The following RAB27A variants were observed in gnomAD, a reference collection of about 807,000 sequenced individuals.
The protein encoded by RAB27A is ras-related protein Rab-27A.
A neutral mutation model predicts 20.8 loss-of-function variants in RAB27A; 17 were observed. The ratio of observed to expected loss-of-function variants is 0.82; its 90% CI spans 0.56 to 1.23. The LOEUF is 1.23. RAB27A is among the 50% of genes most tolerant of loss of function. The probability of loss-of-function intolerance (pLI) is 0.00; values close to 1 mark genes in which losing one functional copy is unlikely to be tolerated. For missense variants in RAB27A, 277 were observed against 266.7 expected (o/e 1.04, Z -0.27); for synonymous variants, 85 against 92.8 (o/e 0.92, Z 0.48).
rs561849484 is a variant in RAB27A at position 55,217,504 on chromosome 15, A to T, written c.467+6385T>A. On this transcript the variant is annotated intron_variant, in intron 6 of 6. Coordinates refer to ENST00000336787, the MANE Select transcript of RAB27A (RefSeq NM_183235.3). ...GTGAAACCTCGTCTTTACTAAAAAA[A>T]ATATATAAAAATTAGCTGGGCACAG... is the stretch of plus-strand genomic sequence containing the variant. Among the ~76,000 whole-genome samples the T allele has an allele frequency of 3.2e-3, 479 of 151,710 alleles. 2 individuals carry two copies. The highest frequency in any genetic ancestry group is 9.7e-3 in the African/African-American group (399 of 41,322).
At chr15:55,215,789 T>TA (rs1455867655) in intron 6 of RAB27A, among the ~76,000 whole-genome samples, 1 of 145,964 alleles carries the variant, frequency 6.9e-6, no homozygotes, top group African/African-American at 2.6e-5. Flanking sequence ...CTACTAAAAA[T>TA]ACAAAAATTA....
chr15:55,243,302 A>G (rs985164492), intron 2 of RAB27A, among the ~76,000 whole-genome samples: 1 of 152,158 alleles, frequency 6.6e-6, no homozygotes, highest in Non-Finnish European at 1.5e-5. Context: ...GAAATTTTTC[A>G]TTTACCTGTA....
At chr15:55,242,569 T>C (rs1015561595) in intron 2 of RAB27A, among the ~76,000 whole-genome samples, 3 of 152,196 alleles carry the variant, frequency 2.0e-5, no homozygotes, top group Non-Finnish European at 4.4e-5. Context: ...ATTAATAGTT[T>C]CACCACGTTC....
chr15:55,307,259 T>C (rs1213462818), intron 2 of RAB27A, among the ~76,000 whole-genome samples: 2 of 151,886 alleles, frequency 1.3e-5, no homozygotes, highest in South Asian at 2.1e-4. Flanking sequence ...TGCAACTAAG[T>C]TGGCCATCTC....
At chr15:55,207,426 C>G (rs1400994888) in intron 6 of RAB27A, among the ~76,000 whole-genome samples, 1 of 152,166 alleles carries the variant, frequency 6.6e-6, no homozygotes, top group Non-Finnish European at 1.5e-5. Flanking sequence ...CTGAACCAGT[C>G]TCCTCCAAAC....
chr15:55,234,925 C>T lies in RAB27A; in HGVS notation c.10G>A (p.Gly4Arg), dbSNP rs1220538156. The change falls in exon 3 of 7, where the codon GGA becomes AGA. Residue 4 changes from glycine to arginine, a missense_variant. By Grantham distance (125) the Gly-to-Arg change is moderately radical. Coordinates refer to ENST00000336787, the MANE Select transcript of RAB27A (RefSeq NM_183235.3). ...AACTTGATGAGGTAATCATAATCTC[C>T]ATCAGACATAATGAAGAACTCAGTA... The part of the protein sequence containing the change: MSD[G>R]DYDYLIKFLA... The T allele has an allele frequency of 4.3e-6, 7 of 1,611,996 alleles. No individual in the cohort carries two copies. Among genetic ancestry groups the T allele is most frequent in the Non-Finnish European group, 5.1e-6 (6 of 1,179,066 alleles).
At chr15:55,298,555 G>A (rs986112670) in intron 2 of RAB27A, among the ~76,000 whole-genome samples, 1 of 152,178 alleles carries the variant, frequency 6.6e-6, no homozygotes, top group African/African-American at 2.4e-5. Flanking sequence ...GGACTGGGGT[G>A]AAATTAAATT....
At chr15:55,280,501 G>GTT (rs1321539873) in intron 1 of RAB27A, among the ~76,000 whole-genome samples, 183 of 91,090 alleles carry the variant, frequency 2.0e-3, no homozygotes, top group East Asian at 7.4e-3. Context: ...TGTGGGTATG[G>GTT]TTTATATATA....
intron 6 of RAB27A, among the ~76,000 whole-genome samples, chr15:55,211,742 G>A (rs1451435094): frequency 6.6e-6 from 1 of 152,110 alleles, no homozygotes; most frequent in Non-Finnish European, 1.5e-5. Context: ...ATGTTATTCA[G>A]CTAATAAATG....
intron 6 of RAB27A, among the ~76,000 whole-genome samples, chr15:55,208,646 ATCTTTCCCACAAGTCCCTGGAAG>A (rs112277403): frequency 0.27 from 40,467 of 151,802 alleles, 6,967 homozygotes; most frequent in African/African-American, 0.49. Flanking sequence ...GAGAGAGGAA[ATCTTTCCCACAAGTCCCTGGAAG>A]ACTTTCCCTC....
chr15:55,278,031 A>C lies in RAB27A; in HGVS notation c.-142-7747T>G, dbSNP rs1897920115. On this transcript the variant is annotated intron_variant, in intron 1 of 6. Transcript: ENST00000336787. ...AACTCTTGACACATATGGTAGCTGT[A>C]GCTATTATACTCACTTGCATATTGT... Among the ~76,000 whole-genome samples the C allele has an allele frequency of 4.6e-5, 7 of 152,368 alleles. No homozygotes were observed. The South Asian group carries it at 1.4e-3, about 32-fold the overall frequency.
intron 6 of RAB27A, among the ~76,000 whole-genome samples, chr15:55,211,828 T>G (rs1440317455): frequency 6.6e-6 from 1 of 152,134 alleles, no homozygotes. Context: ...TAAAACAAAA[T>G]AGGAAATGTC....
intron 5 of RAB27A, among the ~76,000 whole-genome samples, chr15:55,225,544 CT>C (rs1177101593): frequency 6.6e-6 from 1 of 152,146 alleles, no homozygotes; most frequent in Admixed American, 6.5e-5. Context: ...GGCTAGAAAT[CT>C]GTGTTTTAAA....
chr15:55,229,034 C>G (rs969387416), intron 4 of RAB27A, among the ~76,000 whole-genome samples: 1 of 152,152 alleles, frequency 6.6e-6, no homozygotes, highest in African/African-American at 2.4e-5. Flanking sequence ...GAAAGCTTGA[C>G]TTGACATTAC....
chr15:55,274,829 T>G (rs960169230), intron 1 of RAB27A, among the ~76,000 whole-genome samples: 22 of 139,004 alleles, frequency 1.6e-4, no homozygotes, highest in African/African-American at 5.7e-4. Context: ...TATATATGTA[T>G]AGAGAGAGAC....
intron 2 of RAB27A, among the ~76,000 whole-genome samples, chr15:55,243,809 T>C (rs569353760): frequency 3.3e-5 from 5 of 152,162 alleles, no homozygotes; most frequent in Non-Finnish European, 5.9e-5. Context: ...TTGCCTACCT[T>C]AGACCTTATA....
chr15:55,234,949 T>C lies in RAB27A; in HGVS notation c.-15A>G. 1 of 1,607,760 alleles carries C rather than the reference T, an allele frequency of 6.2e-7. No homozygotes were observed. Among genetic ancestry groups the C allele is most frequent in the Non-Finnish European group, 8.5e-7 (1 of 1,176,748 alleles). The stretch of plus-strand genomic sequence containing the variant: ...CCATCAGACATAATGAAGAACTCAG[T>C]AGTTCACCTGTAAAATACACACAAA... On this transcript the variant is annotated 5_prime_UTR_variant, in exon 3 of 7. Transcript: ENST00000336787.
chr15:55,265,262 G>GAAA (rs957513230), intron 2 of RAB27A, among the ~76,000 whole-genome samples: 4 of 151,856 alleles, frequency 2.6e-5, no homozygotes, highest in Non-Finnish European at 5.9e-5. Context: ...AGAAGAAGAA[G>GAAA]AAGAACTGTA....
At chr15:55,216,124 T>C (rs998531012) in intron 6 of RAB27A, among the ~76,000 whole-genome samples, 4 of 152,136 alleles carry the variant, frequency 2.6e-5, no homozygotes, top group African/African-American at 9.7e-5. Context: ...TTAAATGAGT[T>C]AATATTTAAA....
Sources: gnomAD v4.1 joint callset for allele counts (sites outside exome capture counted in the v4.1 genomes callset) on GRCh38, gnomAD v4.1.1 for gene constraint, MANE v1.5 for transcripts, NCBI Gene and HGNC (gene_info 2026-07-23, HGNC 2026-07-21) for gene names.